The following MSRA variants were observed in gnomAD, a reference collection of about 807,000 sequenced individuals.
MSRA encodes methionine sulfoxide reductase A, also known as mitochondrial peptide methionine sulfoxide reductase.
MSRA carries 54 observed loss-of-function variants against 31.3 expected under a neutral mutation model. The ratio of observed to expected loss-of-function variants is 1.73; its 90% CI spans 1.39 to 2.17. The LOEUF (loss-of-function observed/expected upper bound fraction) is 2.17, where lower values mean the gene tolerates loss of function less well. Among genes scored for constraint, MSRA ranks in the 30% most tolerant of loss-of-function variants. The pLI is 0.00. For missense variants in MSRA, 507 were observed against 300.9 expected (o/e 1.69, Z -5.07); for synonymous variants, 169 against 116.5 (o/e 1.45, Z -2.90).
chr8:10,119,771 G>T (rs1167004855), intron 1 of MSRA, among the ~76,000 whole-genome samples: 1 of 152,160 alleles, frequency 6.6e-6, no homozygotes, highest in African/African-American at 2.4e-5. Context: ...GAACAATGCT[G>T]GGGTTATCTC....
chr8:10,363,908 G>A lies in MSRA; in HGVS notation c.543+43919G>A, dbSNP rs535365969. On this transcript the variant is annotated intron_variant, in intron 5 of 5. Coordinates refer to ENST00000317173, the MANE Select transcript of MSRA (RefSeq NM_012331.5). ...ATGGCACCACTGCAGTCCAGCCTGGGCTACAAAGTAAGACCCTGTAACAAC... is the reference window on the plus strand; with the variant it reads ...ATGGCACCACTGCAGTCCAGCCTGGACTACAAAGTAAGACCCTGTAACAAC... 5.3e-5 allele frequency among the ~76,000 whole-genome samples: 8 copies of A among 152,218 alleles called. No individual in the cohort carries two copies. The East Asian group carries it at 1.5e-3, about 29-fold the overall frequency.
intron 4 of MSRA, among the ~76,000 whole-genome samples, chr8:10,319,606 A>G (rs1476377421): frequency 6.6e-6 from 1 of 151,684 alleles, no homozygotes; most frequent in Non-Finnish European, 1.5e-5. Context: ...ATGTAAAAGT[A>G]TGTATTCATA....
At chr8:10,167,871 A>C (rs548592417) in intron 1 of MSRA, among the ~76,000 whole-genome samples, 41 of 152,338 alleles carry the variant, frequency 2.7e-4, no homozygotes, top group African/African-American at 9.4e-4. Context: ...AAGGAAAAAA[A>C]CATTGCCACT....
chr8:10,190,694 G>A (rs1031714835), intron 1 of MSRA, among the ~76,000 whole-genome samples: 9 of 152,310 alleles, frequency 5.9e-5, no homozygotes, highest in African/African-American at 1.7e-4. Context: ...TTAACCTACT[G>A]TGTGGTTTGT....
chr8:10,189,020 C>G (rs1457359883), intron 1 of MSRA, among the ~76,000 whole-genome samples: 12 of 152,122 alleles, frequency 7.9e-5, no homozygotes, highest in Admixed American at 3.9e-4. Flanking sequence ...CCATTGATTT[C>G]TATATGCTTT....
At chr8:10,319,326 C>G (rs1480751858) in intron 4 of MSRA, among the ~76,000 whole-genome samples, 2 of 152,108 alleles carry the variant, frequency 1.3e-5, no homozygotes, top group Non-Finnish European at 2.9e-5. Flanking sequence ...TATCATCCAC[C>G]CTTCAGCTGC....
At chr8:10,121,670 CCT>C (rs1414820609) in intron 1 of MSRA, among the ~76,000 whole-genome samples, 1 of 151,896 alleles carries the variant, frequency 6.6e-6, no homozygotes, top group East Asian at 1.9e-4. Flanking sequence ...ACTCCCTCTC[CCT>C]CTCTCTTTTT....
At chr8:10,417,598 A>T (rs1443707024) in intron 5 of MSRA, among the ~76,000 whole-genome samples, 2 of 152,036 alleles carry the variant, frequency 1.3e-5, no homozygotes, top group Non-Finnish European at 2.9e-5. Context: ...CTCAGAATAG[A>T]TGATGTTTTC....
chr8:10,090,558 T>C (rs1054856919), intron 1 of MSRA, among the ~76,000 whole-genome samples: 6 of 152,206 alleles, frequency 3.9e-5, no homozygotes, highest in Non-Finnish European at 8.8e-5. Context: ...GCCATAAAAC[T>C]TGTCATTTTA....
At chr8:10,284,366 G>A (rs962948826) in intron 3 of MSRA, among the ~76,000 whole-genome samples, 1 of 151,510 alleles carries the variant, frequency 6.6e-6, no homozygotes, top group Non-Finnish European at 1.5e-5. Flanking sequence ...TTTTTTTTTG[G>A]ATTTTTACTA....
At chr8:10,303,358 G>T (rs752094362) in intron 4 of MSRA, among the ~76,000 whole-genome samples, 3 of 152,156 alleles carry the variant, frequency 2.0e-5, no homozygotes, top group Admixed American at 6.5e-5. Context: ...GCTAATACCG[G>T]CCCCTGAACC....
intron 5 of MSRA, among the ~76,000 whole-genome samples, chr8:10,405,068 A>C (rs1337087608): frequency 6.6e-6 from 1 of 152,152 alleles, no homozygotes; most frequent in Non-Finnish European, 1.5e-5. Context: ...GATGTCGGAC[A>C]GGAGAGACTC....
At chr8:10,308,379 G>C (rs1180728197) in intron 4 of MSRA, among the ~76,000 whole-genome samples, 6 of 152,202 alleles carry the variant, frequency 3.9e-5, no homozygotes, top group Admixed American at 6.5e-5. Context: ...CTGTGAACCA[G>C]ATCGGCCCGG....
chr8:10,079,262 G>A (rs1798159338), intron 1 of MSRA, among the ~76,000 whole-genome samples: 1 of 152,088 alleles, frequency 6.6e-6, no homozygotes, highest in African/African-American at 2.4e-5. Context: ...GGGCTTAGGT[G>A]ATCCTCCCAT....
chr8:10,380,368 T>G (rs1347290402), intron 5 of MSRA, among the ~76,000 whole-genome samples: 1 of 152,212 alleles, frequency 6.6e-6, no homozygotes, highest in Non-Finnish European at 1.5e-5. Flanking sequence ...GGAGAGGGCC[T>G]TCCCTGCACT....
At chr8:10,201,553 A>T (rs1808503538) in intron 1 of MSRA, among the ~76,000 whole-genome samples, 1 of 152,204 alleles carries the variant, frequency 6.6e-6, no homozygotes, top group Non-Finnish European at 1.5e-5. Flanking sequence ...CAGGGAGCTC[A>T]TCCCTGATTG....
chr8:10,233,423 A>G (rs540641309), intron 2 of MSRA, among the ~76,000 whole-genome samples: 27 of 152,386 alleles, frequency 1.8e-4, no homozygotes, highest in African/African-American at 6.3e-4. Flanking sequence ...TATAACAAAC[A>G]AAAGCATTTT....
chr8:10,338,053 C>T (rs1029925807), intron 5 of MSRA, among the ~76,000 whole-genome samples: 2 of 152,048 alleles, frequency 1.3e-5, no homozygotes, highest in Middle Eastern at 3.4e-3. Context: ...AAAAAAATAT[C>T]CTTAAGTGGG....
intron 3 of MSRA, among the ~76,000 whole-genome samples, chr8:10,278,687 TGAGA>T (rs1011307536): frequency 6.6e-5 from 10 of 152,170 alleles, no homozygotes; most frequent in African/African-American, 2.4e-4. Flanking sequence ...TTTTTAGAGA[TGAGA>T]GATAGAGCTC....
Sources: gnomAD v4.1 joint callset for allele counts (sites outside exome capture counted in the v4.1 genomes callset) on GRCh38, gnomAD v4.1.1 for gene constraint, MANE v1.5 for transcripts, NCBI Gene and HGNC (gene_info 2026-07-23, HGNC 2026-07-21) for gene names.